The following GOLM1 variants were observed in gnomAD, a reference collection of about 807,000 sequenced individuals.
GOLM1 encodes epididymis luminal protein 46.
In GOLM1, 31 loss-of-function variants were observed where a neutral mutation model predicts 50.5. The ratio of observed to expected loss-of-function variants is 0.61; its 90% CI spans 0.46 to 0.83. The LOEUF (loss-of-function observed/expected upper bound fraction) is 0.83, where lower values mean the gene tolerates loss of function less well. Among genes scored for constraint, GOLM1 ranks in the 40% least tolerant of loss-of-function variants. The pLI is 0.00. For synonymous variants in GOLM1, 178 were observed against 192.8 expected (o/e 0.92, Z 0.64); for missense variants, 491 against 501.3 (o/e 0.98, Z 0.20).
intron 4 of GOLM1, 43 bp downstream of exon 4, chr9:86,052,494 C>A: frequency 6.3e-7 from 1 of 1,583,480 alleles, no homozygotes; most frequent in Non-Finnish European, 8.7e-7. Context: ...GAGTTTCCTC[C>A]TCAAAGGCCA....
At chr9:86,047,286 A>G (rs904709069) in intron 4 of GOLM1, among the ~76,000 whole-genome samples, 2 of 152,252 alleles carry the variant, frequency 1.3e-5, no homozygotes, top group African/African-American at 4.8e-5. Flanking sequence ...GGGCGGCAGC[A>G]GCAGCCAGGC....
At chr9:86,040,548 G>A (rs868373515) in intron 6 of GOLM1, among the ~76,000 whole-genome samples, 191 bp downstream of exon 6, 45 of 152,310 alleles carry the variant, frequency 3.0e-4, no homozygotes, top group African/African-American at 7.0e-4. Context: ...CTTGTGAAGC[G>A]GGGCTGGAGG....
chr9:86,031,563 G>C (rs954608972), intron 9 of GOLM1, among the ~76,000 whole-genome samples: 15 of 142,884 alleles, frequency 1.0e-4, no homozygotes, highest in African/African-American at 3.1e-4. Context: ...CCGAGTTCAC[G>C]CGATTCTCCT....
chr9:86,033,249 TGA>T, intron 9 of GOLM1, 31 bp downstream of exon 9: 2 of 1,168,048 alleles, frequency 1.7e-6, no homozygotes, highest in Non-Finnish European at 2.6e-6. Flanking sequence ...AAATGAAAGG[TGA>T]CCTCGTCACC....
chr9:86,076,458 A>G (rs886890889), intron 3 of GOLM1, among the ~76,000 whole-genome samples: 1 of 139,418 alleles, frequency 7.2e-6, no homozygotes, highest in Non-Finnish European at 1.5e-5. Context: ...AAAAAAAGCC[A>G]AATTTTTCTA....
Position 86,040,333 on chromosome 9 carries a change from T to C in GOLM1, c.597+406A>G, listed in dbSNP as rs187199587. Among the ~76,000 whole-genome samples the C allele has an allele frequency of 3.3e-5, 5 of 152,320 alleles. No homozygotes were observed. In the East Asian group the frequency reaches 9.7e-4, roughly 29 times the overall value. ...AGCAGCAGCTTCGTGGGCTGTGCTC[T>C]GCACAGGAGGTGGAATGACAGCACG... On this transcript the variant is annotated intron_variant, in intron 6 of 9. Transcript: ENST00000388712.
At position 86,028,792 on chromosome 9, in the gene GOLM1, A is replaced by C. The variant is rs557520424; in HGVS notation, c.1130-899T>G. Among the ~76,000 whole-genome samples, 7 of 151,846 alleles carry C rather than the reference A, an allele frequency of 4.6e-5. No individual in the cohort carries two copies. In the South Asian group the frequency reaches 1.5e-3, roughly 32 times the overall value. ...TAGGGGTTTGAGCTGTGGGGCACTG[A>C]AGAAGAAAGCCATACCCCCATTGCA... On this transcript the variant is annotated intron_variant, in intron 9 of 9. Coordinates refer to ENST00000388712, the MANE Select transcript of GOLM1 (RefSeq NM_016548.4).
upstream of GOLM1, among the ~76,000 whole-genome samples, chr9:86,099,834 G>A (rs900928019): frequency 1.3e-5 from 2 of 152,150 alleles, no homozygotes; most frequent in Admixed American, 1.3e-4. Flanking sequence ...ACGCGGAGCG[G>A]GGAAGCGGCT....
At chr9:86,046,368 G>A (rs943945427) in intron 5 of GOLM1, 102 bp downstream of exon 5, 12 of 730,690 alleles carry the variant, frequency 1.6e-5, no homozygotes, top group Non-Finnish European at 2.7e-5. Flanking sequence ...CCCGCACGGA[G>A]CAGAAGGTGC....
intron 3 of GOLM1, among the ~76,000 whole-genome samples, chr9:86,061,924 C>T (rs1834170334): frequency 6.6e-6 from 1 of 152,152 alleles, no homozygotes; most frequent in Non-Finnish European, 1.5e-5. Flanking sequence ...CCCAGATGGG[C>T]AGAAAGGCGG....
chr9:86,045,341 ACT>A (rs1156490244), intron 5 of GOLM1, among the ~76,000 whole-genome samples: 1 of 148,462 alleles, frequency 6.7e-6, no homozygotes, highest in African/African-American at 2.5e-5. Context: ...ACAGAGCAAG[ACT>A]CTGTTTCAAA....
chr9:86,046,587 C>CA lies in GOLM1; in HGVS notation c.365-16dup. 2 of 1,511,724 alleles carry CA rather than the reference C, an allele frequency of 1.3e-6. No homozygotes were observed. Among genetic ancestry groups the CA allele is most frequent in the Non-Finnish European group, 1.8e-6 (2 of 1,090,758 alleles). The allele number at this position is 1,511,724 out of a possible 1,614,324, so 93.6% of individuals were successfully genotyped here. On this transcript the variant is annotated splice_polypyrimidine_tract_variant and intron_variant, in intron 4 of 9. Transcript: ENST00000388712. ...CTTTAACTGGTCTACACCAAGGGGACAAGGAATTGCACAGGTCACCGGCAC... is the reference window on the plus strand; with the variant it reads ...CTTTAACTGGTCTACACCAAGGGGACAAAGGAATTGCACAGGTCACCGGCAC...
At chr9:86,089,338 T>C (rs1159489390) in intron 1 of GOLM1, among the ~76,000 whole-genome samples, 1 of 152,202 alleles carries the variant, frequency 6.6e-6, no homozygotes, top group Non-Finnish European at 1.5e-5. Context: ...CTGGATAATA[T>C]CCTGAAGAGT....
Position 86,046,967 on chromosome 9 carries a change from C to G in GOLM1, c.365-395G>C, listed in dbSNP as rs556561107. On this transcript the variant is annotated intron_variant, in intron 4 of 9. Coordinates refer to ENST00000388712, the MANE Select transcript of GOLM1 (RefSeq NM_016548.4). ...CCTCATCCCTGGCCGACTCATCCTT[C>G]CATCTGTAAAACACTGATTTTTGAT... Among the ~76,000 whole-genome samples the G allele has an allele frequency of 2.6e-5, 4 of 152,350 alleles. No individual in the cohort carries two copies. The East Asian group carries it at 7.7e-4, about 29-fold the overall frequency.
At position 86,027,459 on chromosome 9, in the gene GOLM1, G is replaced by A. The variant is rs974269851; in HGVS notation, c.*358C>T. 1 of 1,044,728 alleles carries A rather than the reference G, an allele frequency of 9.6e-7. No homozygotes were observed. Among genetic ancestry groups the A allele is most frequent in the Admixed American group, 5.5e-5 (1 of 18,336 alleles). The allele number at this position is 1,044,728 out of a possible 1,614,324, so 64.7% of individuals were successfully genotyped here. A position where few individuals can be genotyped will look rare whatever the true frequency, so the allele number is the denominator to read the frequency against. ...TCTCTGTCTCTCCTTCACAGCAGAT[G>A]GACTCTTCTATAGGTGGCTGTTAAT... is the stretch of plus-strand genomic sequence containing the variant. On this transcript the variant is annotated 3_prime_UTR_variant, in exon 10 of 10. Coordinates refer to ENST00000388712, the MANE Select transcript of GOLM1 (RefSeq NM_016548.4).
chr9:86,080,874 T>C (rs1032353842), intron 1 of GOLM1, among the ~76,000 whole-genome samples: 2 of 152,152 alleles, frequency 1.3e-5, no homozygotes, highest in Non-Finnish European at 2.9e-5. Context: ...TTTTTGACTC[T>C]TAAACTTTTT....
Position 86,026,895 on chromosome 9 carries a change from A to C in GOLM1, c.*922T>G. ...AGTCCTAATTTCTAACACTGTATAT[A>C]TCCTTCGACATCAATGAACTTTGTT... is the stretch of plus-strand genomic sequence containing the variant. On this transcript the variant is annotated 3_prime_UTR_variant, in exon 10 of 10. Coordinates refer to ENST00000388712, the MANE Select transcript of GOLM1 (RefSeq NM_016548.4). 1 of 984,516 alleles carries C rather than the reference A, an allele frequency of 1.0e-6. No individual in the cohort carries two copies. The highest frequency in any genetic ancestry group is 1.2e-6 in the Non-Finnish European group (1 of 829,158). The allele number at this position is 984,516 out of a possible 1,614,324, so 61.0% of individuals were successfully genotyped here. A position where few individuals can be genotyped will look rare whatever the true frequency, so the allele number is the denominator to read the frequency against.
intron 3 of GOLM1, among the ~76,000 whole-genome samples, chr9:86,056,474 C>T (rs1465273418): frequency 6.7e-6 from 1 of 149,896 alleles, no homozygotes; most frequent in Non-Finnish European, 1.5e-5. Flanking sequence ...CTGAGTTCGA[C>T]AAAATGATTT....
At chr9:86,067,256 C>T (rs1834334048) in intron 3 of GOLM1, among the ~76,000 whole-genome samples, 1 of 152,148 alleles carries the variant, frequency 6.6e-6, no homozygotes, top group Admixed American at 6.5e-5. Context: ...CCTGTGTTAA[C>T]AACATAAAAG....
Sources: allele counts gnomAD v4.1 joint callset (sites outside exome capture counted in the v4.1 genomes callset), GRCh38; gene constraint gnomAD v4.1.1; transcripts MANE v1.5; gene names NCBI Gene and HGNC (gene_info 2026-07-23, HGNC 2026-07-21).